The following RYR2 variants were observed in gnomAD, a reference collection of about 807,000 sequenced individuals.
RYR2 encodes the protein cardiac muscle ryanodine receptor-calcium release channel.
RYR2 carries 227 observed loss-of-function variants against 601.1 expected under a neutral mutation model. The observed-to-expected ratio is 0.38, with a 90% CI of 0.34 to 0.42. RYR2 has a LOEUF of 0.42. RYR2 is among the 10% of genes least tolerant of loss of function. The pLI, the probability that RYR2 is intolerant of heterozygous loss-of-function variation, is 1.00. For synonymous variants in RYR2, 2,223 were observed against 2,175.1 expected (o/e 1.02, Z -0.61); for missense variants, 4,646 against 6,156.5 (o/e 0.75, Z 8.21).
chr1:237,761,543 A>G (rs1693435550), intron 84 of RYR2, among the ~76,000 whole-genome samples: 1 of 152,200 alleles, frequency 6.6e-6, no homozygotes, highest in African/African-American at 2.4e-5. Flanking sequence ...GAAAGAAATT[A>G]GAGACCAGTT....
intron 1 of RYR2, among the ~76,000 whole-genome samples, chr1:237,126,880 G>T (rs1006084466): frequency 1.6e-4 from 24 of 151,344 alleles, no homozygotes; most frequent in Non-Finnish European, 3.0e-4. Flanking sequence ...AAGGTCAGCA[G>T]ATAAACAAGT....
intron 1 of RYR2, among the ~76,000 whole-genome samples, chr1:237,154,240 T>A (rs1055514288): frequency 1.3e-5 from 2 of 152,206 alleles, no homozygotes; most frequent in African/African-American, 4.8e-5. Flanking sequence ...ACACTCCTAG[T>A]GGGGCTGGTT....
At chr1:237,115,422 AC>A (rs1669960261) in intron 1 of RYR2, among the ~76,000 whole-genome samples, 1 of 152,174 alleles carries the variant, frequency 6.6e-6, no homozygotes, top group African/African-American at 2.4e-5. Flanking sequence ...ATTCCTGGAA[AC>A]CCTTAAGAAC....
At chr1:237,217,336 T>C (rs1236618891) in intron 1 of RYR2, among the ~76,000 whole-genome samples, 1 of 152,062 alleles carries the variant, frequency 6.6e-6, no homozygotes, top group Non-Finnish European at 1.5e-5. Context: ...CACTTTTTTT[T>C]TTTTTGGTAA....
intron 59 of RYR2, 140 bp downstream of exon 59, chr1:237,674,359 A>G (rs1313588027): frequency 4.6e-6 from 3 of 652,916 alleles, no homozygotes; most frequent in Non-Finnish European, 7.9e-6. Context: ...TAAAATACAC[A>G]CATCAGAAAC....
intron 1 of RYR2, among the ~76,000 whole-genome samples, chr1:237,185,740 T>C (rs866101850): frequency 5.3e-5 from 8 of 152,152 alleles, no homozygotes; most frequent in Middle Eastern, 3.2e-3. Flanking sequence ...GCTGTGGAAA[T>C]TCTCAAGGCT....
In RYR2 at chr1:237,309,622, T is replaced by C. The variant is rs550856429; in HGVS notation, c.169-21256T>C. 8.5e-5 allele frequency among the ~76,000 whole-genome samples: 13 copies of C among 152,326 alleles called. No homozygotes were observed. The East Asian group carries it at 2.5e-3, about 29-fold the overall frequency. ...CGGAGCTGCCACCAGTCCCGCACTGTGTGCCCACACTCCTCAGCCCTTGGG... is the reference window on the plus strand; with the variant it reads ...CGGAGCTGCCACCAGTCCCGCACTGCGTGCCCACACTCCTCAGCCCTTGGG... On this transcript the variant is annotated intron_variant, in intron 2 of 104. Coordinates refer to ENST00000366574, the MANE Select transcript of RYR2 (RefSeq NM_001035.3).
intron 58 of RYR2, among the ~76,000 whole-genome samples, chr1:237,670,016 C>T (rs552605332): frequency 2.6e-5 from 4 of 152,094 alleles, no homozygotes; most frequent in East Asian, 1.9e-4. Context: ...ACTGAGTGAA[C>T]GAGACTCCGT....
Position 237,690,307 on chromosome 1 carries a change from A to C in RYR2, c.9067+2803A>C, listed in dbSNP as rs1316600228. 7.9e-5 allele frequency among the ~76,000 whole-genome samples: 12 copies of C among 152,288 alleles called. No individual in the cohort carries two copies. In the East Asian group the frequency reaches 2.3e-3, roughly 29 times the overall value. On this transcript the variant is annotated intron_variant, in intron 63 of 104. Coordinates refer to ENST00000366574, the MANE Select transcript of RYR2 (RefSeq NM_001035.3). ...CCTATTTTTCTAACTTAACAGCTGA[A>C]TGATTTGGACAAGGGACTTAAATTC...
intron 12 of RYR2, among the ~76,000 whole-genome samples, chr1:237,430,246 T>TATATATTGATCTGGAGATATGTATAACA (rs1706668015): frequency 6.6e-6 from 1 of 151,106 alleles, no homozygotes; most frequent in East Asian, 1.9e-4. Context: ...ATATACATAA[T>TATATATTGATCTGGAGATATGTATAACA]ATATATTGAT....
intron 51 of RYR2, 50 bp downstream of exon 51, chr1:237,651,551 T>C (rs1004475687): frequency 1.8e-6 from 2 of 1,136,556 alleles, no homozygotes; most frequent in Admixed American, 4.3e-5. Flanking sequence ...TTCTCTGACT[T>C]TATTTTCTAT....
chr1:237,103,039 A>G (rs139080192), intron 1 of RYR2, among the ~76,000 whole-genome samples: 21 of 152,260 alleles, frequency 1.4e-4, no homozygotes, highest in Non-Finnish European at 2.2e-4. Context: ...AACCAAGAAC[A>G]GTTTTATTTG....
Position 237,671,705 on chromosome 1 carries a change from T to C in RYR2, c.8591-2391T>C, listed in dbSNP as rs190679759. On this transcript the variant is annotated intron_variant, in intron 58 of 104. Coordinates refer to ENST00000366574, the MANE Select transcript of RYR2 (RefSeq NM_001035.3). Reference sequence around the variant, plus strand: ...GGAAATCAGGAGAAAAATGCCTCCTTTGCTTGCCTTAGTCATCTGATCCTC... The same window carrying C: ...GGAAATCAGGAGAAAAATGCCTCCTCTGCTTGCCTTAGTCATCTGATCCTC... 2.6e-5 allele frequency among the ~76,000 whole-genome samples: 4 copies of C among 152,112 alleles called. No homozygotes were observed. In the East Asian group the frequency reaches 7.8e-4, roughly 30 times the overall value.
At chr1:237,274,582 T>C (rs1690070186) in intron 2 of RYR2, among the ~76,000 whole-genome samples, 1 of 152,156 alleles carries the variant, frequency 6.6e-6, no homozygotes, top group South Asian at 2.1e-4. Context: ...TAATTTATCA[T>C]TGAACAAAGA....
chr1:237,659,490 G>A (rs1031900431), intron 54 of RYR2, among the ~76,000 whole-genome samples: 1 of 152,144 alleles, frequency 6.6e-6, no homozygotes, highest in Admixed American at 6.5e-5. Context: ...GGGTAAAACA[G>A]GTGGCATTAT....
chr1:237,224,199 T>C (rs945830961), intron 1 of RYR2, among the ~76,000 whole-genome samples: 1 of 151,904 alleles, frequency 6.6e-6, no homozygotes, highest in Non-Finnish European at 1.5e-5. Context: ...TTTATGACAA[T>C]TTGAAAAAAA....
chr1:237,830,350 A>G, intron 102 of RYR2, 180 bp from the exon 103 acceptor site: 1 of 494,182 alleles, frequency 2.0e-6, no homozygotes, highest in Non-Finnish European at 3.7e-6. Context: ...TTAAGCCAAC[A>G]CCAAGATATA....
intron 63 of RYR2, among the ~76,000 whole-genome samples, chr1:237,693,580 C>T (rs1687135797): frequency 2.0e-5 from 3 of 152,072 alleles, no homozygotes; most frequent in Non-Finnish European, 4.4e-5. Context: ...TGACCTAGAA[C>T]CCAATGTATA....
intron 2 of RYR2, among the ~76,000 whole-genome samples, chr1:237,295,091 C>T (rs1162877626): frequency 6.6e-6 from 1 of 151,998 alleles, no homozygotes; most frequent in Non-Finnish European, 1.5e-5. Flanking sequence ...CAGTGTGTGC[C>T]TGTAGTCCTA....
Sources: gnomAD v4.1 joint callset for allele counts (sites outside exome capture counted in the v4.1 genomes callset) on GRCh38, gnomAD v4.1.1 for gene constraint, MANE v1.5 for transcripts, NCBI Gene and HGNC (gene_info 2026-07-23, HGNC 2026-07-21) for gene names.